CDKAL1: variants seen among roughly 807,000 people sequenced by gnomAD.
CDKAL1 encodes CDKAL1 threonylcarbamoyladenosine tRNA methylthiotransferase.
In CDKAL1, 32 loss-of-function variants were observed where a neutral mutation model predicts 68.2. The ratio of observed to expected loss-of-function variants is 0.47; its 90% CI spans 0.35 to 0.63. The LOEUF (loss-of-function observed/expected upper bound fraction) is 0.63. CDKAL1 is among the 30% of genes least tolerant of loss of function. The pLI is 0.00. For missense variants in CDKAL1, 606 were observed against 696.7 expected (o/e 0.87, Z 1.47); for synonymous variants, 234 against 244.3 (o/e 0.96, Z 0.39).
chr6:20,946,553 A>G (rs572068583), intron 9 of CDKAL1, among the ~76,000 whole-genome samples: 66 of 150,332 alleles, frequency 4.4e-4, no homozygotes, highest in Middle Eastern at 3.6e-3. Context: ...TCAACTTACA[A>G]TGGATTTACT....
chr6:21,110,691 G>T (rs1774076217), intron 13 of CDKAL1, among the ~76,000 whole-genome samples: 1 of 152,128 alleles, frequency 6.6e-6, no homozygotes. Context: ...TGGTGTATTG[G>T]CTTATGCCGG....
chr6:20,578,692 T>C (rs1211383145), intron 4 of CDKAL1, among the ~76,000 whole-genome samples: 1 of 152,162 alleles, frequency 6.6e-6, no homozygotes, highest in Non-Finnish European at 1.5e-5. Context: ...TTTAATTGTG[T>C]TTTGTGATTG....
At chr6:20,849,170 C>G (rs942308917) in intron 9 of CDKAL1, among the ~76,000 whole-genome samples, 1 of 152,180 alleles carries the variant, frequency 6.6e-6, no homozygotes, top group African/African-American at 2.4e-5. Context: ...TTACCAGCCA[C>G]ATGATGTGAA....
At chr6:20,913,212 C>G (rs551409237) in intron 9 of CDKAL1, among the ~76,000 whole-genome samples, 1 of 152,004 alleles carries the variant, frequency 6.6e-6, no homozygotes, top group South Asian at 2.1e-4. Context: ...CTCACAGTCT[C>G]TGTGGGAGTC....
intron 12 of CDKAL1, among the ~76,000 whole-genome samples, chr6:21,069,804 T>TTTTTTAAAAA (rs60342057): frequency 1.2e-5 from 1 of 85,476 alleles, no homozygotes; most frequent in African/African-American, 4.1e-5. Flanking sequence ...TTTTTTTTTT[T>TTTTTTAAAAA]AAAACAGAGC....
At chr6:21,204,487 A>T (rs544285401) in intron 15 of CDKAL1, among the ~76,000 whole-genome samples, 10 of 152,318 alleles carry the variant, frequency 6.6e-5, no homozygotes, top group African/African-American at 2.4e-4. Context: ...TTTTAAAATC[A>T]TTACCCATAA....
chr6:20,908,936 T>C (rs978920860), intron 9 of CDKAL1, among the ~76,000 whole-genome samples: 1 of 152,218 alleles, frequency 6.6e-6, no homozygotes, highest in Non-Finnish European at 1.5e-5. Context: ...AGTTGCATCC[T>C]TGGGTGTCAT....
intron 9 of CDKAL1, among the ~76,000 whole-genome samples, chr6:20,878,838 C>T (rs982191890): frequency 7.3e-5 from 11 of 150,154 alleles, no homozygotes; most frequent in Admixed American, 4.7e-4. Flanking sequence ...CAGCACTTTG[C>T]GAGGCCAACG....
chr6:20,613,249 C>CTTTTT lies in CDKAL1; in HGVS notation c.287-36005_287-36001dup, dbSNP rs71559677. On this transcript the variant is annotated intron_variant, in intron 4 of 15. Coordinates refer to ENST00000274695, the MANE Select transcript of CDKAL1 (RefSeq NM_017774.3). The stretch of plus-strand genomic sequence containing the variant: ...TATCAGTTCATCACAAAATTTCTTT[C>CTTTTT]TTTTTTTTTTTTTTTTTTTTTTTTT... Among the ~76,000 whole-genome samples the CTTTTT allele has an allele frequency of 2.4e-3, 184 of 77,828 alleles. 21 individuals carry two copies. Among genetic ancestry groups the CTTTTT allele is most frequent in the Non-Finnish European group, 3.7e-3 (151 of 40,804 alleles). 51.1% of individuals were successfully genotyped at this position (77,828 alleles called of 152,430 possible). A position where few individuals can be genotyped will look rare whatever the true frequency, so the allele number is the denominator to read the frequency against.
chr6:21,080,017 A>G (rs1460374817), intron 12 of CDKAL1, among the ~76,000 whole-genome samples: 1 of 24,658 alleles, frequency 4.1e-5, no homozygotes, highest in Non-Finnish European at 1.1e-4. Flanking sequence ...TGTTTGAACC[A>G]TGTAGAAAAC....
chr6:20,860,919 G>T (rs1156791976), intron 9 of CDKAL1, among the ~76,000 whole-genome samples: 1 of 144,074 alleles, frequency 6.9e-6, no homozygotes, highest in Middle Eastern at 3.6e-3. Flanking sequence ...GAAACATTCT[G>T]CGTAGTGTGG....
intron 4 of CDKAL1, among the ~76,000 whole-genome samples, chr6:20,565,911 G>A (rs943172268): frequency 2.6e-5 from 4 of 151,962 alleles, no homozygotes; most frequent in Admixed American, 2.6e-4. Flanking sequence ...AAATAACAAA[G>A]GCTTTTTTCC....
chr6:21,201,200 G>A lies in CDKAL1; in HGVS notation c.1474G>A (p.Val492Ile). Reference protein sequence around the residue: ...SGKHFMKGQPVSDAKVYTPSI... With the variant: ...SGKHFMKGQPISDAKVYTPSI... ...CAAACATTTTATGAAAGGGCAGCCA[G>A]TATCTGATGCCAAAGTGTACACGCC... The change falls in exon 15 of 16, where the codon GTA becomes ATA. Residue 492 changes from valine to isoleucine, a missense_variant. Coordinates refer to ENST00000274695, the MANE Select transcript of CDKAL1 (RefSeq NM_017774.3). 1 of 1,613,964 alleles carries A rather than the reference G, an allele frequency of 6.2e-7. No individual in the cohort carries two copies. The highest frequency in any genetic ancestry group is 8.5e-7 in the Non-Finnish European group (1 of 1,179,854).
intron 4 of CDKAL1, among the ~76,000 whole-genome samples, chr6:20,629,176 A>G (rs762260253): frequency 6.6e-6 from 1 of 152,130 alleles, no homozygotes; most frequent in Non-Finnish European, 1.5e-5. Flanking sequence ...TGAAGAGTAC[A>G]GGCCAGTTAC....
chr6:20,694,092 G>GTGTGTGTGTGTGTA (rs1771003636), intron 5 of CDKAL1, among the ~76,000 whole-genome samples: 1 of 142,516 alleles, frequency 7.0e-6, no homozygotes, highest in African/African-American at 2.6e-5. Flanking sequence ...GTGTGTGTGT[G>GTGTGTGTGTGTGTA]TATGTAGGTG....
intron 15 of CDKAL1, among the ~76,000 whole-genome samples, chr6:21,203,435 C>A (rs2151110997): frequency 6.6e-6 from 1 of 151,182 alleles, no homozygotes; most frequent in Admixed American, 6.6e-5. Context: ...AGGGTTTCAC[C>A]ATGTCGGCCA....
At chr6:20,676,603 C>T (rs1238897305) in intron 5 of CDKAL1, among the ~76,000 whole-genome samples, 2 of 151,576 alleles carry the variant, frequency 1.3e-5, no homozygotes, top group Non-Finnish European at 2.9e-5. Context: ...GGAGGTGGAG[C>T]TTGCAGTGAC....
intron 9 of CDKAL1, among the ~76,000 whole-genome samples, chr6:20,896,103 C>CTTTTTTTTTTTTTTTTTTTTTTTTTTTTT (rs777787310): frequency 1.1e-5 from 1 of 90,146 alleles, no homozygotes; most frequent in Non-Finnish European, 2.2e-5. Flanking sequence ...CTTTTCTTTT[C>CTTTTTTTTTTTTTTTTTTTTTTTTTTTTT]TTTTTTTTTT....
At chr6:20,889,425 T>C (rs1040242370) in intron 9 of CDKAL1, among the ~76,000 whole-genome samples, 1 of 152,148 alleles carries the variant, frequency 6.6e-6, no homozygotes, top group Non-Finnish European at 1.5e-5. Flanking sequence ...CTTTTGGTGT[T>C]TTAGACATGA....
Sources: allele counts gnomAD v4.1 joint callset (sites outside exome capture counted in the v4.1 genomes callset), GRCh38; gene constraint gnomAD v4.1.1; transcripts MANE v1.5; gene names NCBI Gene and HGNC (gene_info 2026-07-23, HGNC 2026-07-21).